Variants in ACIN1 observed in about 807,000 individuals in gnomAD.
ACIN1 encodes apoptotic chromatin condensation inducer 1.
Under a neutral mutation model 146.6 loss-of-function variants are expected in ACIN1, and 16 were observed. That is an observed-to-expected ratio of 0.11 (90% confidence interval 0.07 to 0.17). The LOEUF (loss-of-function observed/expected upper bound fraction) is 0.17. Ranked by LOEUF, ACIN1 falls within the 10% of genes least tolerant of loss-of-function variation. The pLI, the probability that ACIN1 is intolerant of heterozygous loss-of-function variation, is 1.00. For missense variants in ACIN1, 1,357 were observed against 1,609.3 expected, an observed-to-expected ratio of 0.84 and a Z score of 2.68; for synonymous variants, 569 against 582.7, an observed-to-expected ratio of 0.98 and a Z score of 0.34.
intron 2 of ACIN1, among the ~76,000 whole-genome samples, chr14:23,091,081 T>G (rs141259945): frequency 0.03 from 4,616 of 152,082 alleles, 223 homozygotes; most frequent in African/African-American, 0.095. Context: ...ATTTTTGTAT[T>G]TTTAGTAGAG....
Position 23,063,059 on chromosome 14 carries a change from G to A in ACIN1, c.2753C>T (p.Thr918Ile), listed in dbSNP as rs1594743517. The change falls in exon 14 of 19, where the codon ACC (threonine) becomes ATC (isoleucine). Residue 918 changes from threonine (T) to isoleucine (I), a missense_variant. Physicochemically the swap from Thr to Ile is moderately conservative, Grantham distance 89 (BLOSUM62 -1). This residue lies in a region of ACIN1 where 509 missense variants were observed against 719.6 expected (regional missense o/e 0.71). Transcript: ENST00000605057. Reference sequence around the variant, plus strand: ...CTGGCTAATGGAACGTCGAGTTAAGGTATCTCCTAAAGTCACTATCAAGAA... The same window carrying A: ...CTGGCTAATGGAACGTCGAGTTAAGATATCTCCTAAAGTCACTATCAAGAA... ...HEVKKVTLGD[T>I]LTRRSISQQK... 1 of 1,612,134 alleles carries A rather than the reference G, an allele frequency of 6.2e-7. No homozygotes were observed. Among genetic ancestry groups the A allele is most frequent in the African/African-American group, 1.3e-5 (1 of 74,904 alleles).
chr14:23,071,912 C>T (rs1268254437), intron 8 of ACIN1, among the ~76,000 whole-genome samples: 15 of 152,058 alleles, frequency 9.9e-5, no homozygotes, highest in Admixed American at 9.8e-4. Flanking sequence ...TAAATAAGAA[C>T]GATAAAGCCA....
chr14:23,095,426 G>C (rs1391395416), upstream of ACIN1: 1 of 1,187,208 alleles, frequency 8.4e-7, no homozygotes, highest in Non-Finnish European at 1.2e-6. Context: ...CATAATCGGA[G>C]ATGTTCGTTT....
At chr14:23,095,336 C>G (rs746967907), upstream of ACIN1, 1 of 1,548,522 alleles carries the variant, frequency 6.5e-7, no homozygotes, top group East Asian at 2.3e-5. Context: ...CTTTTCTCGC[C>G]CTGCTTTCAG....
intron 8 of ACIN1, among the ~76,000 whole-genome samples, chr14:23,069,917 A>G (rs935658426): frequency 3.3e-5 from 5 of 152,300 alleles, no homozygotes; most frequent in African/African-American, 1.2e-4. Context: ...AACTCACCAG[A>G]GTACTCCTAT....
intron 10 of ACIN1, among the ~76,000 whole-genome samples, chr14:23,065,742 G>T (rs774572391): frequency 1.3e-5 from 2 of 152,162 alleles, no homozygotes; most frequent in Non-Finnish European, 2.9e-5. Context: ...ACCTCACACT[G>T]TATCTCATTA....
At chr14:23,089,886 T>C in intron 4 of ACIN1, 96 bp downstream of exon 4, 8 of 1,370,444 alleles carry the variant, frequency 5.8e-6, no homozygotes, top group Non-Finnish European at 7.7e-6. Flanking sequence ...TCCCTGGGAC[T>C]TTCATGGAGG....
At chr14:23,061,056 G>A (rs766641168) in intron 18 of ACIN1, 28 bp downstream of exon 18, 1 of 1,604,276 alleles carries the variant, frequency 6.2e-7, no homozygotes, top group Non-Finnish European at 8.5e-7. Flanking sequence ...GTGCCACTAG[G>A]GAGCAGGGCA....
At position 23,091,427 on chromosome 14, in the gene ACIN1, G is replaced by A. The variant is rs144983853; in HGVS notation, c.205-794C>T. On this transcript the variant is annotated intron_variant, in intron 2 of 18. Transcript: ENST00000605057. ...CAGTCTCAGCAACATGGCAAAACCC[G>A]TCTCTACCAAAAATACAAAAAGGTG... 4.3e-3 allele frequency among the ~76,000 whole-genome samples: 660 copies of A among 151,950 alleles called. 1 individual carries two copies. Among genetic ancestry groups the A allele is most frequent in the Non-Finnish European group, 6.4e-3 (438 of 67,956 alleles).
Position 23,089,965 on chromosome 14 carries a change from G to T in ACIN1, c.436+17C>A. Reference sequence around the variant, plus strand: ...GCAGGATTGACAAAACAGCGCAGTGGGGAGGGAGATACGTACTGGGCGAAT... The same window carrying T: ...GCAGGATTGACAAAACAGCGCAGTGTGGAGGGAGATACGTACTGGGCGAAT... On this transcript the variant is annotated intron_variant, in intron 4 of 18. Transcript: ENST00000605057. The T allele has an allele frequency of 1.3e-6, 2 of 1,591,802 alleles. No homozygotes were observed. The highest frequency in any genetic ancestry group is 1.7e-6 in the Non-Finnish European group (2 of 1,165,484).
intron 5 of ACIN1, among the ~76,000 whole-genome samples, chr14:23,081,016 A>G (rs1355699630): frequency 6.6e-6 from 1 of 152,134 alleles, no homozygotes; most frequent in Admixed American, 6.5e-5. Context: ...ATCACAATGA[A>G]GCTACTTGTA....
chr14:23,094,491 ACCT>A (rs1308665242), intron 1 of ACIN1: 9 of 984,688 alleles, frequency 9.1e-6, no homozygotes, highest in African/African-American at 3.5e-5. Flanking sequence ...TCTTCATCTC[ACCT>A]CCTCATCTAA....
chr14:23,083,236 ACT>A (rs1347375005), intron 4 of ACIN1, among the ~76,000 whole-genome samples: 8 of 150,778 alleles, frequency 5.3e-5, no homozygotes, highest in African/African-American at 2.0e-4. Context: ...ACAGTGTTTT[ACT>A]CTGTCACCCA....
chr14:23,066,084 G>T, intron 9 of ACIN1, 76 bp from the exon 10 acceptor site: 2 of 1,222,212 alleles, frequency 1.6e-6, no homozygotes, highest in South Asian at 1.2e-5. Context: ...AGGTTAGATG[G>T]GGCAGTCTTA....
intron 4 of ACIN1, among the ~76,000 whole-genome samples, chr14:23,087,252 A>G (rs1389316038): frequency 6.6e-6 from 1 of 152,212 alleles, no homozygotes; most frequent in African/African-American, 2.4e-5. Flanking sequence ...AAGCACTGAT[A>G]GAATTCCAAA....
intron 13 of ACIN1, 175 bp from the exon 14 acceptor site, chr14:23,063,249 G>A (rs2047344419): frequency 9.1e-7 from 1 of 1,095,356 alleles, no homozygotes; most frequent in Non-Finnish European, 1.3e-6. Context: ...CCTCATCATG[G>A]AGATTCAAAG....
Position 23,094,961 on chromosome 14 carries a change from C to T in ACIN1, c.138+14G>A, listed in dbSNP as rs757108242. On this transcript the variant is annotated intron_variant, in intron 1 of 18. Transcript: ENST00000605057. ...CCGCTCTCCTCCGACACCCCAGCAACGCCGACTCCTCACCCCTTTGAGCCG... is the reference window on the plus strand; with the variant it reads ...CCGCTCTCCTCCGACACCCCAGCAATGCCGACTCCTCACCCCTTTGAGCCG... The T allele has an allele frequency of 5.1e-6, 8 of 1,578,206 alleles. No individual in the cohort carries two copies. The highest frequency in any genetic ancestry group is 6.9e-6 in the Non-Finnish European group (8 of 1,166,162).
chr14:23,080,210 A>G lies in ACIN1; in HGVS notation c.1125T>C (p.His375=), dbSNP rs200768866. Residue 375 remains histidine (H), a synonymous_variant, in exon 6 of 19, where the codon CAT becomes CAC. Coordinates refer to ENST00000605057, the MANE Select transcript of ACIN1 (RefSeq NM_001386863.1). ...CCATGGGCTCTATTTCTTCTTCGCTATGGAGCTGTGGATGAGGTGGTGGAG... is the reference window on the plus strand; with the variant it reads ...CCATGGGCTCTATTTCTTCTTCGCTGTGGAGCTGTGGATGAGGTGGTGGAG... The part of the protein sequence containing the change: ...ASSPPPHPQL[H]SEEEIEPMEG... 1.9e-6 allele frequency: 3 copies of G among 1,614,150 alleles called. No individual in the cohort carries two copies. Among genetic ancestry groups the G allele is most frequent in the Admixed American group, 1.7e-5 (1 of 60,012 alleles).
At chr14:23,090,395 T>C (rs1441631990) in intron 3 of ACIN1, 127 bp downstream of exon 3, 1 of 908,594 alleles carries the variant, frequency 1.1e-6, no homozygotes, top group Non-Finnish European at 1.7e-6. Context: ...TCATGGGCTA[T>C]GAAAGCAAGT....
Sources: allele counts gnomAD v4.1 joint callset (sites outside exome capture counted in the v4.1 genomes callset), GRCh38; gene constraint gnomAD v4.1.1; regional missense constraint gnomAD v4.1.1; transcripts MANE v1.5; gene names NCBI Gene and HGNC (gene_info 2026-07-23, HGNC 2026-07-21).